TPR: variants seen among roughly 807,000 people sequenced by gnomAD.
The protein encoded by TPR is translocated promoter region, nuclear basket protein, also known as nucleoprotein TPR.
In TPR, 51 loss-of-function variants were observed where a neutral mutation model predicts 316.1. The observed-to-expected ratio is 0.16, with a 90% CI of 0.13 to 0.20. The LOEUF (loss-of-function observed/expected upper bound fraction) is 0.20, where lower values mean the gene tolerates loss of function less well. Ranked by LOEUF, TPR falls within the 10% of genes least tolerant of loss-of-function variation. TPR has a pLI of 1.00. For missense variants in TPR, 2,272 were observed against 2,754.8 expected (o/e 0.82, Z 3.92); for synonymous variants, 981 against 914.7 (o/e 1.07, Z -1.31).
chr1:186,361,934 C>G (rs1418099404), intron 7 of TPR, 65 bp from the exon 8 acceptor site: 2 of 1,500,190 alleles, frequency 1.3e-6, no homozygotes, highest in Non-Finnish European at 1.8e-6. Flanking sequence ...TATCAAATGA[C>G]AAGATGAAAA....
intron 1 of TPR, among the ~76,000 whole-genome samples, chr1:186,373,889 C>A (rs532032663): frequency 6.6e-6 from 1 of 152,104 alleles, no homozygotes; most frequent in South Asian, 2.1e-4. Flanking sequence ...CATAAAACTA[C>A]TAAATATATG....
Position 186,346,245 on chromosome 1 carries a change from C to T in TPR, c.2986G>A (p.Glu996Lys). The T allele has an allele frequency of 1.2e-6, 2 of 1,613,218 alleles. No homozygotes were observed. The highest frequency in any genetic ancestry group is 1.7e-6 in the Non-Finnish European group (2 of 1,179,668). The change falls in exon 23 of 51, where the codon GAG (glutamate) becomes AAG (lysine). Residue 996 changes from glutamate to lysine, a missense_variant. Transcript: ENST00000367478. Reference sequence around the variant, plus strand: ...AACTGTGTCTGAAATTCAGCTGACTCTTTTAAACGAACTTCAATATTCTTA... The same window carrying T: ...AACTGTGTCTGAAATTCAGCTGACTTTTTTAAACGAACTTCAATATTCTTA... ...VRKNIEVRLK[E>K]SAEFQTQLEK...
intron 4 of TPR, 63 bp from the exon 5 acceptor site, chr1:186,363,508 A>G (rs1489481938): frequency 9.0e-7 from 1 of 1,113,844 alleles, no homozygotes; most frequent in African/African-American, 1.6e-5. Context: ...CCAAATATCA[A>G]AAATATATTT....
rs370808289 is a variant in TPR, at chr1:186,360,568, A to G, written c.1099+197T>C. ...CTGGGAATTTACAAGACTGTGTGTG[A>G]TCAAATGGTATTTATATGCCCGATT... On this transcript the variant is annotated intron_variant, in intron 10 of 50. Coordinates refer to ENST00000367478, the MANE Select transcript of TPR (RefSeq NM_003292.3). Among the ~76,000 whole-genome samples, 8 of 152,086 alleles carry G rather than the reference A, an allele frequency of 5.3e-5. 1 individual carries two copies. The highest frequency in any genetic ancestry group is 3.9e-4 in the Admixed American group (6 of 15,252).
chr1:186,375,202 C>G lies in TPR; in HGVS notation c.-174G>C. ...CGGCGGGACCCTGGGAAATCGAGTC[C>G]ACCCTCAGCGGCAGCGTTTCAGCAA... On this transcript the variant is annotated 5_prime_UTR_variant, in exon 1 of 51. Coordinates refer to ENST00000367478, the MANE Select transcript of TPR (RefSeq NM_003292.3). 6.6e-7 allele frequency: 1 copy of G among 1,510,216 alleles called. No individual in the cohort carries two copies. The highest frequency in any genetic ancestry group is 8.9e-7 in the Non-Finnish European group (1 of 1,127,592). 93.6% of individuals were successfully genotyped at this position (1,510,216 alleles called of 1,614,324 possible).
intron 43 of TPR, 200 bp from the exon 44 acceptor site, chr1:186,322,786 C>T: frequency 1.8e-6 from 1 of 551,892 alleles, no homozygotes; most frequent in Non-Finnish European, 3.2e-6. Flanking sequence ...TAATATTAAC[C>T]AATAAAAATC....
chr1:186,349,035 T>G (rs769358202), intron 21 of TPR, among the ~76,000 whole-genome samples: 11 of 152,212 alleles, frequency 7.2e-5, no homozygotes, highest in Admixed American at 6.5e-5. Flanking sequence ...CACATCCCGA[T>G]AAACTCATCA....
rs370458691 is a variant in TPR at position 186,363,423 on chromosome 1, T to C, written c.450A>G (p.Glu150=). Residue 150 remains glutamate (E), a synonymous_variant, in exon 5 of 51, where the codon GAA becomes GAG. Transcript: ENST00000367478. ...TTGTTGTATTGCTTTCTTTAAGTTTTTCATTCAGACGTTTAACATCCTCTA... is the reference window on the plus strand; with the variant it reads ...TTGTTGTATTGCTTTCTTTAAGTTTCTCATTCAGACGTTTAACATCCTCTA... ...YLTEDVKRLN[E]KLKESNTTKG... is the part of the protein sequence containing the mutation. The C allele has an allele frequency of 1.2e-5, 20 of 1,611,856 alleles. No individual in the cohort carries two copies. The highest frequency in any genetic ancestry group is 1.4e-5 in the Non-Finnish European group (17 of 1,178,570).
Position 186,331,557 on chromosome 1 carries a change from T to C in TPR, c.5629A>G (p.Thr1877Ala). 6.2e-7 allele frequency: 1 copy of C among 1,608,802 alleles called. No individual in the cohort carries two copies. The highest frequency in any genetic ancestry group is 8.5e-7 in the Non-Finnish European group (1 of 1,177,340). Residue 1877 changes from threonine to alanine, a missense_variant, in exon 39 of 51, where the codon ACT becomes GCT. Physicochemically the swap from Thr to Ala is moderately conservative, Grantham distance 58. This residue lies in a region of TPR where 435 missense variants were observed against 461.1 expected (regional missense o/e 0.94). Transcript: ENST00000367478. ...TEEEVMAEES[T>A]DGEVETQVYN... ...ACCTGAGTCTCTACCTCTCCATCAG[T>C]ACTTTCTTCTGCCATAACTTCTTCC...
Position 186,355,676 on chromosome 1 carries a change from C to T in TPR, c.1981G>A (p.Glu661Lys). The T allele has an allele frequency of 6.2e-7, 1 of 1,614,112 alleles. No individual in the cohort carries two copies. The highest frequency in any genetic ancestry group is 8.5e-7 in the Non-Finnish European group (1 of 1,180,014). Reference protein sequence around the residue: ...VSTPAPVPVIESTEAIEAKAA... With the variant: ...VSTPAPVPVIKSTEAIEAKAA... ...TTAGCCTCTATAGCCTCTGTTGATT[C>T]AATAACAGGTACTGGAGCAGGAGTG... is the stretch of plus-strand genomic sequence containing the variant. Residue 661 changes from glutamate to lysine, a missense_variant, in exon 16 of 51, where the codon GAA (glutamate) becomes AAA (lysine). Physicochemically the swap from Glu to Lys is moderately conservative, Grantham distance 56 (BLOSUM62 1). Transcript: ENST00000367478.
intron 48 of TPR, among the ~76,000 whole-genome samples, chr1:186,318,150 G>C (rs757479156): frequency 6.6e-6 from 1 of 152,016 alleles, no homozygotes; most frequent in Non-Finnish European, 1.5e-5. Context: ...TAAGTCATGT[G>C]AAAATTTCAG....
At chr1:186,357,721 C>T (rs1291921266) in intron 13 of TPR, 98 bp from the exon 14 acceptor site, 8 of 1,005,210 alleles carry the variant, frequency 8.0e-6, no homozygotes, top group Non-Finnish European at 1.1e-5. Flanking sequence ...ACTTATAAAA[C>T]CTTCAACTTG....
At chr1:186,370,366 G>A (rs560333095) in intron 3 of TPR, among the ~76,000 whole-genome samples, 1 of 152,024 alleles carries the variant, frequency 6.6e-6, no homozygotes, top group Non-Finnish European at 1.5e-5. Flanking sequence ...TTTCAGAGAA[G>A]TATTTGAGTT....
At chr1:186,347,501 G>GTT (rs1200234469) in intron 21 of TPR, 43 bp from the exon 22 acceptor site, 1 of 1,587,804 alleles carries the variant, frequency 6.3e-7, no homozygotes, top group Non-Finnish European at 8.6e-7. Context: ...ATTTTCAATA[G>GTT]TATTAGAGAT....
At chr1:186,353,289 G>A (rs973537972) in intron 18 of TPR, among the ~76,000 whole-genome samples, 7 of 151,128 alleles carry the variant, frequency 4.6e-5, no homozygotes, top group Non-Finnish European at 7.4e-5. Context: ...GGAGAATGGC[G>A]TAAACCCGGG....
chr1:186,353,546 C>T (rs1658936568), intron 18 of TPR, 142 bp downstream of exon 18: 4 of 871,634 alleles, frequency 4.6e-6, no homozygotes, highest in Admixed American at 5.2e-5. Context: ...TGGCTATTTG[C>T]AAACTATGTA....
rs768171533 is a variant in TPR at position 186,373,419 on chromosome 1, C to T, written c.196G>A (p.Glu66Lys). 2.5e-6 allele frequency: 4 copies of T among 1,613,560 alleles called. No individual in the cohort carries two copies. Among genetic ancestry groups the T allele is most frequent in the Non-Finnish European group, 3.4e-6 (4 of 1,179,736 alleles). Residue 66 changes from glutamate (E) to lysine (K), a missense_variant, in exon 2 of 51, where the codon GAG becomes AAG. Physicochemically the swap from Glu to Lys is moderately conservative, Grantham distance 56. Coordinates refer to ENST00000367478, the MANE Select transcript of TPR (RefSeq NM_003292.3). ...TCTCGGGTTTCATTCACAAGTCTCT[C>T]CTGACTGTGGGACAACCTCTTTTCT... is the stretch of plus-strand genomic sequence containing the variant. ...EIEKRLSHSQ[E>K]RLVNETRECQ...
chr1:186,338,990 G>A (rs1180290854), intron 30 of TPR, among the ~76,000 whole-genome samples: 1 of 152,100 alleles, frequency 6.6e-6, no homozygotes, highest in African/African-American at 2.4e-5. Flanking sequence ...AAGTTGTAAA[G>A]CAATATATAA....
chr1:186,343,087 T>C (rs1349159779), intron 27 of TPR: 4 of 368,982 alleles, frequency 1.1e-5, no homozygotes, highest in East Asian at 4.2e-5. Context: ...AGTTAAACAA[T>C]GTACCCAAGG....
Sources: gnomAD v4.1 joint callset for allele counts (sites outside exome capture counted in the v4.1 genomes callset) on GRCh38, gnomAD v4.1.1 for gene constraint, gnomAD v4.1.1 regional missense constraint, MANE v1.5 for transcripts, NCBI Gene and HGNC (gene_info 2026-07-23, HGNC 2026-07-21) for gene names.